CSMD2: variants seen among roughly 807,000 people sequenced by gnomAD.
CSMD2 encodes the protein CUB and sushi domain-containing protein 2.
CSMD2 carries 130 observed loss-of-function variants against 398.5 expected under a neutral mutation model. The ratio of observed to expected loss-of-function variants is 0.33; its 90% CI spans 0.28 to 0.38. CSMD2 has a LOEUF of 0.38. CSMD2 is among the 10% of genes least tolerant of loss of function. The pLI, the probability that CSMD2 is intolerant of heterozygous loss-of-function variation, is 1.00. For synonymous variants in CSMD2, 1,828 were observed against 1,908.5 expected (o/e 0.96, Z 1.10); for missense variants, 3,829 against 4,764.9 (o/e 0.80, Z 5.78).
intron 1 of CSMD2, among the ~76,000 whole-genome samples, chr1:34,109,084 C>T (rs1032512847): frequency 1.7e-4 from 26 of 152,154 alleles, no homozygotes; most frequent in African/African-American, 5.8e-4. Flanking sequence ...TCAGACTGGA[C>T]ATCTACTGGG....
chr1:33,960,260 C>A (rs1004102920), intron 3 of CSMD2, among the ~76,000 whole-genome samples: 1 of 152,206 alleles, frequency 6.6e-6, no homozygotes, highest in Non-Finnish European at 1.5e-5. Context: ...CGGCCTCAGA[C>A]CACCTCCTCT....
intron 41 of CSMD2, 38 bp downstream of exon 41, chr1:33,611,003 A>T (rs771778224): frequency 1.3e-6 from 2 of 1,586,042 alleles, no homozygotes; most frequent in Non-Finnish European, 1.7e-6. Flanking sequence ...AGAGATGGAG[A>T]TAGACAGAGA....
intron 2 of CSMD2, among the ~76,000 whole-genome samples, chr1:34,041,355 G>T (rs891867547): frequency 1.3e-5 from 2 of 152,144 alleles, no homozygotes; most frequent in South Asian, 4.1e-4. Flanking sequence ...GGAATGCCAG[G>T]TCTATGTAAG....
chr1:34,034,490 A>G (rs1650865086), intron 2 of CSMD2, among the ~76,000 whole-genome samples: 2 of 152,302 alleles, frequency 1.3e-5, no homozygotes, highest in Middle Eastern at 6.8e-3. Flanking sequence ...TCACACAGAG[A>G]CTATCTGCTT....
At chr1:33,535,547 T>C (rs1655686971) in intron 62 of CSMD2, among the ~76,000 whole-genome samples, 1 of 152,242 alleles carries the variant, frequency 6.6e-6, no homozygotes, top group Admixed American at 6.5e-5. Flanking sequence ...CCCACAAATT[T>C]CCTGTTTCTT....
chr1:33,751,382 T>C (rs1648215490), intron 13 of CSMD2, among the ~76,000 whole-genome samples: 2 of 152,122 alleles, frequency 1.3e-5, no homozygotes, highest in Non-Finnish European at 2.9e-5. Flanking sequence ...CTGAGCGCCA[T>C]GTATCATCTA....
intron 64 of CSMD2, among the ~76,000 whole-genome samples, chr1:33,528,898 A>G (rs1161021706): frequency 6.6e-6 from 1 of 152,256 alleles, no homozygotes; most frequent in Non-Finnish European, 1.5e-5. Flanking sequence ...AATAAATGGA[A>G]AGACATCACA....
chr1:33,656,519 T>C (rs1643951162), intron 27 of CSMD2, among the ~76,000 whole-genome samples: 1 of 152,198 alleles, frequency 6.6e-6, no homozygotes, highest in Non-Finnish European at 1.5e-5. Context: ...CTCAGAGCCA[T>C]GACTGTCATA....
chr1:33,602,626 C>T (rs1287135438), intron 42 of CSMD2, 80 bp from the exon 43 acceptor site: 9 of 1,247,760 alleles, frequency 7.2e-6, no homozygotes, highest in Non-Finnish European at 9.8e-6. Flanking sequence ...GAGGAAATCC[C>T]AGCTCCCAGA....
At chr1:33,644,539 T>A (rs1643306073) in intron 29 of CSMD2, among the ~76,000 whole-genome samples, 1 of 152,198 alleles carries the variant, frequency 6.6e-6, no homozygotes, top group African/African-American at 2.4e-5. Flanking sequence ...ACTCTAAGTA[T>A]CACGTTTGTG....
At chr1:33,541,893 C>T (rs936285780) in intron 58 of CSMD2, among the ~76,000 whole-genome samples, 2 of 152,152 alleles carry the variant, frequency 1.3e-5, no homozygotes, top group African/African-American at 2.4e-5. Flanking sequence ...ATCTTATCAC[C>T]TGCTGTTGTA....
intron 1 of CSMD2, among the ~76,000 whole-genome samples, chr1:34,098,451 A>G (rs1359085464): frequency 6.7e-6 from 1 of 149,950 alleles, no homozygotes; most frequent in Non-Finnish European, 1.5e-5. Flanking sequence ...AAATAAAAAG[A>G]AAAAAAAAGA....
intron 12 of CSMD2, among the ~76,000 whole-genome samples, chr1:33,773,713 G>A (rs1365757669): frequency 6.6e-6 from 1 of 152,200 alleles, no homozygotes; most frequent in African/African-American, 2.4e-5. Flanking sequence ...CGGGGAGAAG[G>A]GCGTCCTGCA....
intron 3 of CSMD2, among the ~76,000 whole-genome samples, chr1:33,984,669 A>C (rs1025249226): frequency 6.6e-6 from 1 of 151,996 alleles, no homozygotes; most frequent in Non-Finnish European, 1.5e-5. Flanking sequence ...TTTAGTCCCA[A>C]CTACTCGGGA....
chr1:34,119,050 A>G (rs888402388), intron 1 of CSMD2, among the ~76,000 whole-genome samples: 5 of 152,232 alleles, frequency 3.3e-5, no homozygotes, highest in African/African-American at 7.2e-5. Context: ...TACAGTAATC[A>G]AAACAGTATA....
chr1:34,081,746 G>A (rs1271444332), intron 2 of CSMD2, among the ~76,000 whole-genome samples: 2 of 152,148 alleles, frequency 1.3e-5, no homozygotes, highest in African/African-American at 2.4e-5. Context: ...ATCTCAGCTC[G>A]CTACAACCTC....
At position 34,089,107 on chromosome 1, in the gene CSMD2, A is replaced by C; in HGVS notation, c.274T>G (p.Cys92Gly). Residue 92 changes from cysteine (C) to glycine (G), a missense_variant, in exon 2 of 71, where the codon TGC becomes GGC. Physicochemically the swap from Cys to Gly is radical, Grantham distance 159. Coordinates refer to ENST00000373381, the MANE Select transcript of CSMD2 (RefSeq NM_001281956.2). The stretch of plus-strand genomic sequence containing the variant: ...TCTTCCGCGGTGATGGTCCACGTGC[A>C]GTTGGCGTAATTGGGGTAGCCATAT... The part of the protein sequence containing the change: ...FPYGYPNYAN[C>G]TWTITAEEQH... 1 of 1,614,220 alleles carries C rather than the reference A, an allele frequency of 6.2e-7. No homozygotes were observed. The highest frequency in any genetic ancestry group is 8.5e-7 in the Non-Finnish European group (1 of 1,180,036).
At chr1:34,056,735 G>C (rs1419927673) in intron 2 of CSMD2, among the ~76,000 whole-genome samples, 1 of 152,180 alleles carries the variant, frequency 6.6e-6, no homozygotes, top group Non-Finnish European at 1.5e-5. Context: ...CACCTGGGTT[G>C]GATTTCCACT....
chr1:33,648,704 C>T (rs946599506), intron 28 of CSMD2, among the ~76,000 whole-genome samples: 8 of 152,118 alleles, frequency 5.3e-5, no homozygotes, highest in African/African-American at 1.2e-4. Context: ...TGGAAAGCTT[C>T]GAGAGAGACT....
Sources: allele counts gnomAD v4.1 joint callset (sites outside exome capture counted in the v4.1 genomes callset), GRCh38; gene constraint gnomAD v4.1.1; transcripts MANE v1.5; gene names NCBI Gene and HGNC (gene_info 2026-07-23, HGNC 2026-07-21).